Variants in MYO9A observed in about 807,000 individuals in gnomAD.
The protein encoded by MYO9A is myosin IXA, also known as unconventional myosin-IXa.
A neutral mutation model predicts 293.3 loss-of-function variants in MYO9A; 103 were observed. The observed-to-expected ratio is 0.35, with a 90% CI of 0.30 to 0.41. The LOEUF is 0.41. MYO9A is among the 10% of genes least tolerant of loss of function. The probability of loss-of-function intolerance (pLI) is 1.00; values close to 1 mark genes in which losing one functional copy is unlikely to be tolerated. For synonymous variants in MYO9A, 1,001 were observed against 1,035.7 expected (o/e 0.97, Z 0.64); for missense variants, 2,685 against 3,033.0 (o/e 0.89, Z 2.69).
At chr15:71,877,935 CAAAAT>C (rs1339905497) in intron 31 of MYO9A, 100 bp downstream of exon 31, 2 of 992,294 alleles carry the variant, frequency 2.0e-6, no homozygotes, top group Non-Finnish European at 2.9e-6. Flanking sequence ...ATGTTTTTCT[CAAAAT>C]AAAATTTTTC....
chr15:72,036,903 T>C (rs879640562), intron 2 of MYO9A, among the ~76,000 whole-genome samples: 3 of 151,906 alleles, frequency 2.0e-5, no homozygotes, highest in African/African-American at 7.3e-5. Flanking sequence ...TATTTTTCTG[T>C]AGAGATGGTG....
intron 4 of MYO9A, among the ~76,000 whole-genome samples, chr15:72,023,061 A>G (rs2077551799): frequency 6.6e-6 from 1 of 152,214 alleles, no homozygotes; most frequent in Admixed American, 6.5e-5. Flanking sequence ...GAAAACTATG[A>G]GAACGCTATC....
chr15:71,892,908 C>A lies in MYO9A; in HGVS notation c.5142+771G>T, dbSNP rs533267906. The A allele has an allele frequency of 6.6e-5, 72 of 1,090,834 alleles. No homozygotes were observed. The East Asian group carries it at 3.5e-3, about 53-fold the overall frequency. The allele number at this position is 1,090,834 out of a possible 1,614,324, so 67.6% of individuals were successfully genotyped here. On this transcript the variant is annotated intron_variant, in intron 26 of 41. Transcript: ENST00000356056. ...GCTGTGAAGGTTAGCTTTAGATTAG[C>A]AAAGACTATTTCCATCAGATTTGCT...
At position 72,117,988 on chromosome 15, in the gene MYO9A, C is replaced by T; in HGVS notation, c.-380G>A. On this transcript the variant is annotated 5_prime_UTR_variant, in exon 1 of 42. Transcript: ENST00000356056. ...GCCGCCTCTGCCGGTGCAACTACTG[C>T]CTCCGCCGCCGCCTCTCGCAGTCCG... 2.5e-6 allele frequency: 1 copy of T among 399,250 alleles called. No individual in the cohort carries two copies. Among genetic ancestry groups the T allele is most frequent in the Non-Finnish European group, 4.4e-6 (1 of 226,766 alleles). 24.7% of individuals were successfully genotyped at this position (399,250 alleles called of 1,614,324 possible). A position where few individuals can be genotyped will look rare whatever the true frequency, so the allele number is the denominator to read the frequency against.
intron 19 of MYO9A, among the ~76,000 whole-genome samples, chr15:71,905,858 G>T (rs2057620673): frequency 6.8e-6 from 1 of 147,776 alleles, no homozygotes; most frequent in Non-Finnish European, 1.5e-5. Context: ...TCATTTCATT[G>T]AATTCTGCTG....
chr15:72,018,419 G>C (rs148780599), intron 6 of MYO9A, among the ~76,000 whole-genome samples: 1 of 152,088 alleles, frequency 6.6e-6, no homozygotes, highest in Non-Finnish European at 1.5e-5. Flanking sequence ...AGGGAGCCAA[G>C]ATCATGTCAC....
Position 72,047,127 on chromosome 15 carries a change from G to T in MYO9A, c.-71-493C>A, listed in dbSNP as rs573893071. 5.9e-5 allele frequency among the ~76,000 whole-genome samples: 9 copies of T among 152,222 alleles called. No individual in the cohort carries two copies. In the East Asian group the frequency reaches 9.6e-4, roughly 16 times the overall value. On this transcript the variant is annotated intron_variant, in intron 1 of 41. Transcript: ENST00000356056. ...AACAGCAAGAAGATAGATAAACATA[G>T]AAATTACATAAAACCAAGAAAATGA...
At chr15:72,031,963 G>C (rs1376437002) in intron 3 of MYO9A, among the ~76,000 whole-genome samples, 2 of 152,068 alleles carry the variant, frequency 1.3e-5, no homozygotes, top group Non-Finnish European at 2.9e-5. Flanking sequence ...CTGGAGTAAA[G>C]TGGCACAATC....
intron 34 of MYO9A, among the ~76,000 whole-genome samples, chr15:71,858,012 A>G (rs1319734945): frequency 6.6e-6 from 1 of 152,308 alleles, no homozygotes; most frequent in African/African-American, 2.4e-5. Flanking sequence ...AAAAATGCTC[A>G]TCATCACTGG....
rs772667985 is a variant in MYO9A at position 71,880,410 on chromosome 15, A to G, written c.5547T>C (p.His1849=). The G allele has an allele frequency of 9.9e-6, 16 of 1,614,074 alleles. No individual in the cohort carries two copies. In the South Asian group the frequency reaches 1.1e-4, roughly 11 times the overall value. ...KISNVALDSM[H]WQNDSVQIIA... is the part of the protein sequence containing the mutation. Reference sequence around the variant, plus strand: ...TGATCTGGACAGAGTCATTTTGCCAATGCATAGAATCCAAAGCCACGTTGC... The same window carrying G: ...TGATCTGGACAGAGTCATTTTGCCAGTGCATAGAATCCAAAGCCACGTTGC... Residue 1849 remains histidine, a synonymous_variant, in exon 29 of 42, where the codon CAT becomes CAC. Transcript: ENST00000356056.
chr15:72,061,265 G>A (rs2078869949), intron 1 of MYO9A, among the ~76,000 whole-genome samples: 1 of 152,222 alleles, frequency 6.6e-6, no homozygotes, highest in Non-Finnish European at 1.5e-5. Flanking sequence ...ACTCCCAGCT[G>A]TGGTGGCCAC....
chr15:71,891,972 T>C (rs1291396705), intron 26 of MYO9A: 1 of 152,184 alleles, frequency 6.6e-6, no homozygotes, highest in East Asian at 1.9e-4. Flanking sequence ...TGACAGACAC[T>C]AAAGAATATT....
chr15:71,898,388 T>C lies in MYO9A; in HGVS notation c.4115A>G (p.Asn1372Ser), dbSNP rs752837207. The stretch of plus-strand genomic sequence containing the variant: ...AGTCTCATTTGAGGCACTGAGGGCA[T>C]TGTCCCGTGAATCAAATTTTGGACT... ...SSSPKFDSRD[N>S]ALSASNETSS... Residue 1372 changes from asparagine to serine, a missense_variant, in exon 25 of 42, where the codon AAT becomes AGT. Asn to Ser is a conservative substitution (Grantham distance 46). Coordinates refer to ENST00000356056, the MANE Select transcript of MYO9A (RefSeq NM_006901.4). 8.7e-6 allele frequency: 14 copies of C among 1,613,660 alleles called. No homozygotes were observed. Among genetic ancestry groups the C allele is most frequent in the Admixed American group, 3.3e-5 (2 of 60,016 alleles).
At chr15:71,934,963 T>G (rs1361899006) in intron 17 of MYO9A, among the ~76,000 whole-genome samples, 2 of 151,984 alleles carry the variant, frequency 1.3e-5, no homozygotes, top group African/African-American at 4.8e-5. Flanking sequence ...TTGCCTAATT[T>G]GTTAAGATTG....
At chr15:71,954,353 A>C (rs2059130618) in intron 14 of MYO9A, among the ~76,000 whole-genome samples, 1 of 152,060 alleles carries the variant, frequency 6.6e-6, no homozygotes, top group Non-Finnish European at 1.5e-5. Flanking sequence ...GGCGCCAGCC[A>C]CCACGCCTGG....
At chr15:72,116,401 C>G (rs1199090252) in intron 1 of MYO9A, among the ~76,000 whole-genome samples, 1 of 152,108 alleles carries the variant, frequency 6.6e-6, no homozygotes, top group Non-Finnish European at 1.5e-5. Flanking sequence ...CTTGACAACT[C>G]AGGAGCTCAA....
At chr15:71,952,331 T>C (rs2059070996) in intron 14 of MYO9A, among the ~76,000 whole-genome samples, 1 of 152,182 alleles carries the variant, frequency 6.6e-6, no homozygotes, top group Admixed American at 6.5e-5. Flanking sequence ...TCACAAATCC[T>C]GCAATTAACC....
intron 13 of MYO9A, among the ~76,000 whole-genome samples, chr15:71,964,648 G>T (rs991143186): frequency 6.6e-6 from 1 of 151,028 alleles, no homozygotes; most frequent in Non-Finnish European, 1.5e-5. Context: ...TTAGCTGGGC[G>T]TGGTGGCATG....
At chr15:72,090,330 A>T (rs529767295) in intron 1 of MYO9A, among the ~76,000 whole-genome samples, 1 of 152,310 alleles carries the variant, frequency 6.6e-6, no homozygotes, top group Non-Finnish European at 1.5e-5. Context: ...TGCATTTCTT[A>T]AAAATTTAGA....
Sources: allele counts gnomAD v4.1 joint callset (sites outside exome capture counted in the v4.1 genomes callset), GRCh38; gene constraint gnomAD v4.1.1; transcripts MANE v1.5; gene names NCBI Gene and HGNC (gene_info 2026-07-23, HGNC 2026-07-21).